Variants in UNK observed in about 807,000 individuals in gnomAD.
UNK encodes the protein unk zinc finger.
UNK carries 32 observed loss-of-function variants against 97.6 expected under a neutral mutation model. That is an observed-to-expected ratio of 0.33 (90% CI 0.25 to 0.44). The LOEUF is 0.44. Ranked by LOEUF, UNK falls within the 20% of genes least tolerant of loss-of-function variation. UNK has a pLI of 1.00. For missense variants in UNK, 771 were observed against 1,098.4 expected, an observed-to-expected ratio of 0.70 and a Z score of 4.21; for synonymous variants, 441 against 461.2, an observed-to-expected ratio of 0.96 and a Z score of 0.56.
At chr17:75,785,009 CCG>C in intron 1 of UNK, 25 bp downstream of exon 1, 1 of 1,314,082 alleles carries the variant, frequency 7.6e-7, no homozygotes, top group Non-Finnish European at 9.8e-7. Flanking sequence ...CCCCCCCCCG[CCG>C]CGCGCGCACG....
chr17:75,785,300 G>C, intron 1 of UNK: 1 of 288,208 alleles, frequency 3.5e-6, no homozygotes, highest in Non-Finnish European at 6.5e-6. Context: ...AACCACAGTA[G>C]TAGGCTCCTT....
chr17:75,809,706 C>A, intron 1 of UNK, 54 bp from the exon 2 acceptor site: 1 of 1,541,224 alleles, frequency 6.5e-7, no homozygotes, highest in South Asian at 1.2e-5. Flanking sequence ...TGCTGGGAAG[C>A]AAGAGACTTC....
intron 1 of UNK, among the ~76,000 whole-genome samples, chr17:75,797,385 C>T (rs990567431): frequency 4.6e-5 from 7 of 152,188 alleles, no homozygotes; most frequent in African/African-American, 1.7e-4. Flanking sequence ...CAGGCATGTG[C>T]CACCATACCC....
rs2062034074 is a variant in UNK, at chr17:75,818,184, C to T, written c.1371+16C>T. ...GCCCAAACAGGTATAGAGCTCTCAG[C>T]CCCCTTCCTCCCCTCTGCTGTGGAC... On this transcript the variant is annotated intron_variant, in intron 10 of 15. Transcript: ENST00000589666. This position sits in a 1 kb window ranked among gnomAD's most constrained non-coding sequence, Gnocchi z 5.1. The T allele has an allele frequency of 6.2e-7, 1 of 1,613,078 alleles. No homozygotes were observed. The highest frequency in any genetic ancestry group is 8.5e-7 in the Non-Finnish European group (1 of 1,179,562).
Position 75,816,622 on chromosome 17 carries a change from GCA to G in UNK, c.962-145_962-144del. ...GCACAGTGCCTGGCACACAGTAAATGCACAGACATGGTGTTACTAGAGATGTC... is the reference window on the plus strand; with the variant it reads ...GCACAGTGCCTGGCACACAGTAAATGCAGACATGGTGTTACTAGAGATGTC... On this transcript the variant is annotated intron_variant, in intron 7 of 15. Transcript: ENST00000589666. The surrounding 1 kb of genome is among the most constrained non-coding windows in gnomAD (Gnocchi z 4.0). 1 of 1,015,384 alleles carries G rather than the reference GCA, an allele frequency of 9.8e-7. No individual in the cohort carries two copies. Among genetic ancestry groups the G allele is most frequent in the Middle Eastern group, 3.3e-4 (1 of 2,998 alleles). The allele number at this position is 1,015,384 out of a possible 1,614,324, so 62.9% of individuals were successfully genotyped here.
rs8078208 is a variant in UNK, at chr17:75,823,444, C to T, written c.2199C>T (p.Ser733=). The T allele has an allele frequency of 0.25, 390,967 of 1,584,792 alleles. 58,532 individuals carry two copies. Among genetic ancestry groups the T allele is most frequent in the African/African-American group, 0.7 (51,935 of 74,450 alleles). ...GPEPQALPAF[S]DLEALSLSTL... The stretch of plus-strand genomic sequence containing the variant: ...AGCCCCAGGCCCTGCCCGCCTTCTC[C>T]GACCTGGAGGCGCTCTCACTCTCCA... The change falls in exon 15 of 16, where the codon TCC becomes TCT. Residue 733 remains serine, a synonymous_variant. Transcript: ENST00000589666.
At chr17:75,798,774 A>G (rs2061829659) in intron 1 of UNK, among the ~76,000 whole-genome samples, 1 of 152,078 alleles carries the variant, frequency 6.6e-6, no homozygotes, top group Non-Finnish European at 1.5e-5. Flanking sequence ...GAGAGACTAA[A>G]GAGGGTTGCT....
At position 75,820,002 on chromosome 17, in the gene UNK, G is replaced by A. The variant is rs754173982; in HGVS notation, c.1731G>A (p.Pro577=). 8.1e-6 allele frequency: 13 copies of A among 1,613,654 alleles called. No homozygotes were observed. Among genetic ancestry groups the A allele is most frequent in the East Asian group, 2.2e-5 (1 of 44,904 alleles). The part of the protein sequence containing the change: ...GSSASFHSAS[P]SPPVSLSSHF... The stretch of plus-strand genomic sequence containing the variant: ...CTGCCTCCTTCCACTCAGCATCCCC[G>A]TCCCCTCCCGTCAGCCTCTCCTCGC... Residue 577 remains proline (P), a synonymous_variant, in exon 13 of 16, where the codon CCG becomes CCA. Coordinates refer to ENST00000589666, the MANE Select transcript of UNK (RefSeq NM_001080419.3).
rs768022967 is a variant in UNK at position 75,812,536 on chromosome 17, G to A, written c.573G>A (p.Ala191=). ...GSIEGQSAGA[A]SHAMIEKILS... ...TAGAGGGCCAGTCGGCTGGGGCTGCGAGCCATGCCATGATAGAAAAGATCC... is the reference window on the plus strand; with the variant it reads ...TAGAGGGCCAGTCGGCTGGGGCTGCAAGCCATGCCATGATAGAAAAGATCC... Residue 191 remains alanine, a synonymous_variant, in exon 4 of 16, where the codon GCG becomes GCA. Coordinates refer to ENST00000589666, the MANE Select transcript of UNK (RefSeq NM_001080419.3). 1.7e-5 allele frequency: 27 copies of A among 1,612,872 alleles called. No homozygotes were observed. Among genetic ancestry groups the A allele is most frequent in the Middle Eastern group, 1.8e-4 (1 of 5,462 alleles).
chr17:75,799,371 G>A (rs944872428), intron 1 of UNK, among the ~76,000 whole-genome samples: 2 of 152,156 alleles, frequency 1.3e-5, no homozygotes, highest in African/African-American at 2.4e-5. Context: ...CCAGATGCCA[G>A]CAACCGACTC....
Position 75,798,140 on chromosome 17 carries a change from G to A in UNK, c.105-11620G>A, listed in dbSNP as rs184660561. Among the ~76,000 whole-genome samples the A allele has an allele frequency of 9.2e-4, 138 of 149,596 alleles. 1 individual carries two copies. Among genetic ancestry groups the A allele is most frequent in the Middle Eastern group, 3.4e-3 (1 of 292 alleles). ...GGCTGGAGTGCAATGGCACGATTTC[G>A]GCTCACTGCAATCTCCGCCTCCCGG... On this transcript the variant is annotated intron_variant, in intron 1 of 15. Transcript: ENST00000589666.
chr17:75,821,003 GTGCTTGGTGT>G (rs374647856), intron 13 of UNK, among the ~76,000 whole-genome samples: 262 of 151,760 alleles, frequency 1.7e-3, no homozygotes, highest in African/African-American at 6.0e-3. Context: ...TCAGCTTTAG[GTGCTTGGTGT>G]TGCATTTTTC....
intron 4 of UNK, 82 bp from the exon 5 acceptor site, chr17:75,812,996 C>T (rs2061984037): frequency 1.4e-6 from 2 of 1,473,448 alleles, no homozygotes; most frequent in African/African-American, 1.4e-5. Context: ...AGTGGCTTCT[C>T]CTTCCCTCCA....
intron 2 of UNK, among the ~76,000 whole-genome samples, chr17:75,811,106 C>T (rs945359801): frequency 2.0e-5 from 3 of 152,096 alleles, no homozygotes; most frequent in Non-Finnish European, 2.9e-5. Context: ...CAGGCCACCA[C>T]GCCCTGCTAA....
chr17:75,786,547 T>C (rs190652835), intron 1 of UNK, among the ~76,000 whole-genome samples: 98 of 152,346 alleles, frequency 6.4e-4, no homozygotes, highest in African/African-American at 2.3e-3. Flanking sequence ...GTCCTCTTGA[T>C]GCTCATTTGT....
intron 1 of UNK, among the ~76,000 whole-genome samples, chr17:75,786,430 G>A (rs2061711603): frequency 6.6e-6 from 1 of 152,178 alleles, no homozygotes; most frequent in Non-Finnish European, 1.5e-5. Context: ...TCTGTGTTGT[G>A]TTGTCATTGA....
At chr17:75,810,643 C>T (rs1171179314) in intron 2 of UNK, among the ~76,000 whole-genome samples, 1 of 152,046 alleles carries the variant, frequency 6.6e-6, no homozygotes, top group African/African-American at 2.4e-5. Context: ...GCAGTGGCAG[C>T]ATCCTCGCTG....
intron 13 of UNK, 124 bp downstream of exon 13, chr17:75,820,232 G>A (rs2062054857): frequency 4.1e-6 from 4 of 973,696 alleles, no homozygotes; most frequent in East Asian, 2.6e-5. Context: ...GGCCTTGGGC[G>A]AGGAGGCAGA....
chr17:75,809,689 A>G, intron 1 of UNK, 71 bp from the exon 2 acceptor site: 1 of 1,521,654 alleles, frequency 6.6e-7, no homozygotes. Context: ...CTTGGCGGCT[A>G]ACTTCTTGCT....
Sources: allele counts gnomAD v4.1 joint callset (sites outside exome capture counted in the v4.1 genomes callset), GRCh38; gene constraint gnomAD v4.1.1; non-coding constraint Gnocchi (gnomAD v3.1); transcripts MANE v1.5; gene names NCBI Gene and HGNC (gene_info 2026-07-23, HGNC 2026-07-21).